ABCC2: variants seen among roughly 807,000 people sequenced by gnomAD.
ABCC2 encodes the protein ATP binding cassette subfamily C member 2, also known as ATP-binding cassette sub-family C member 2.
In ABCC2, 157 loss-of-function variants were observed where a neutral mutation model predicts 173.4. That is an observed-to-expected ratio of 0.91 (90% CI 0.80 to 1.03). The LOEUF (loss-of-function observed/expected upper bound fraction) is 1.03, where lower values mean the gene tolerates loss of function less well. ABCC2 is among the 50% of genes least tolerant of loss of function. The pLI, the probability that ABCC2 is intolerant of heterozygous loss-of-function variation, is 0.00. For synonymous variants in ABCC2, 657 were observed against 693.5 expected, an observed-to-expected ratio of 0.95 and a Z score of 0.83; for missense variants, 1,822 against 1,852.3, an observed-to-expected ratio of 0.98 and a Z score of 0.30.
At position 99,810,130 on chromosome 10, in the gene ABCC2, C is replaced by T; in HGVS notation, c.1816-4C>T. On this transcript the variant is annotated splice_polypyrimidine_tract_variant and splice_region_variant and intron_variant, in intron 13 of 31. Coordinates refer to ENST00000647814, the MANE Select transcript of ABCC2 (RefSeq NM_000392.5). ...TTCTTGAGATCCTTTGTGTCCTTCTCTAGGCCAGTGTTTCCACAGAGCGGC... is the reference window on the plus strand; with the variant it reads ...TTCTTGAGATCCTTTGTGTCCTTCTTTAGGCCAGTGTTTCCACAGAGCGGC... 1 of 1,613,086 alleles carries T rather than the reference C, an allele frequency of 6.2e-7. No individual in the cohort carries two copies. The highest frequency in any genetic ancestry group is 8.5e-7 in the Non-Finnish European group (1 of 1,179,158).
intron 30 of ABCC2, among the ~76,000 whole-genome samples, chr10:99,847,446 A>T (rs577107913): frequency 6.6e-6 from 1 of 151,918 alleles, no homozygotes; most frequent in East Asian, 1.9e-4. Flanking sequence ...TACTAAAAAT[A>T]CAAAAAGTAG....
intron 19 of ABCC2, among the ~76,000 whole-genome samples, chr10:99,819,730 G>T (rs1034366744): frequency 1.1e-4 from 16 of 152,108 alleles, no homozygotes; most frequent in Non-Finnish European, 2.1e-4. Context: ...CCTAACAAAG[G>T]GATTTTGATT....
In ABCC2 at chr10:99,784,658, G is replaced by A. The variant is rs2037674292; in HGVS notation, c.84G>A (p.Glu28=). The A allele has an allele frequency of 6.2e-7, 1 of 1,614,086 alleles. No homozygotes were observed. The highest frequency in any genetic ancestry group is 8.5e-7 in the Non-Finnish European group (1 of 1,180,048). ...AGGCAGACCTGCCACTTTGTTTTGA[G>A]CAAACTGTTCTGGTGTGGATTCCCT... The part of the protein sequence containing the change: ...SPEADLPLCF[E]QTVLVWIPLG... Residue 28 remains glutamate (E), a synonymous_variant, in exon 2 of 32, where the codon GAG becomes GAA. Transcript: ENST00000647814.
At chr10:99,792,158 T>A (rs2037820612) in intron 2 of ABCC2, 76 bp from the exon 3 acceptor site, 1 of 1,591,496 alleles carries the variant, frequency 6.3e-7, no homozygotes, top group East Asian at 2.2e-5. Flanking sequence ...TTCCTATCCA[T>A]CACCGGAAAC....
Position 99,842,053 on chromosome 10 carries a change from G to A in ABCC2, c.3701G>A (p.Ser1234Asn). 3 of 1,614,214 alleles carry A rather than the reference G, an allele frequency of 1.9e-6. No homozygotes were observed. The highest frequency in any genetic ancestry group is 1.3e-5 in the African/African-American group (1 of 75,050). The change falls in exon 26 of 32, where the codon AGT (serine) becomes AAT (asparagine). Residue 1234 changes from serine to asparagine, a missense_variant. Transcript: ENST00000647814. ...LMMVIYRDTL[S>N]GDTVGFVLSN... ...ATGGTTATTTATAGAGATACCCTAA[G>A]TGGGGACACTGTTGGCTTTGTTCTG...
chr10:99,846,202 T>C (rs936465094), intron 29 of ABCC2, among the ~76,000 whole-genome samples: 1 of 152,362 alleles, frequency 6.6e-6, no homozygotes, highest in African/African-American at 2.4e-5. Context: ...AGCGGAACGC[T>C]TCGTGCATCA....
rs758246739 is a variant in ABCC2 at position 99,817,493 on chromosome 10, G to A, written c.2271+9G>A. Reference sequence around the variant, plus strand: ...CTGAGATTGGAGAGAAGGTACTTGGGATAACAAGGGATCTTCAAGGGTGAA... The same window carrying A: ...CTGAGATTGGAGAGAAGGTACTTGGAATAACAAGGGATCTTCAAGGGTGAA... On this transcript the variant is annotated intron_variant, in intron 17 of 31. Transcript: ENST00000647814. The A allele has an allele frequency of 8.1e-6, 13 of 1,613,920 alleles. No homozygotes were observed. The East Asian group carries it at 2.5e-4, about 30-fold the overall frequency.
intron 8 of ABCC2, 103 bp downstream of exon 8, chr10:99,799,473 T>A (rs559521134): frequency 8.5e-5 from 116 of 1,370,350 alleles, no homozygotes; most frequent in South Asian, 8.1e-4. Flanking sequence ...TCCCATTTTT[T>A]AAAAATGCTC....
At chr10:99,830,530 C>T in intron 20 of ABCC2, 97 bp downstream of exon 20, 1 of 1,577,110 alleles carries the variant, frequency 6.3e-7, no homozygotes, top group Non-Finnish European at 8.7e-7. Flanking sequence ...GGGTTAACAC[C>T]ATGGACACTC....
intron 2 of ABCC2, among the ~76,000 whole-genome samples, chr10:99,789,785 T>G (rs1216365022): frequency 6.6e-6 from 1 of 150,932 alleles, no homozygotes; most frequent in Non-Finnish European, 1.5e-5. Context: ...AGAGCTGGAC[T>G]GTAAAAATGG....
At chr10:99,815,121 G>T (rs1023797177) in intron 16 of ABCC2, among the ~76,000 whole-genome samples, 3 of 151,848 alleles carry the variant, frequency 2.0e-5, no homozygotes, top group Non-Finnish European at 4.4e-5. Context: ...AACAGGCCCT[G>T]GTGTGTGTTG....
Position 99,842,083 on chromosome 10 carries a change from A to T in ABCC2, c.3731A>T (p.Asn1244Ile), listed in dbSNP as rs566053264. 6.2e-7 allele frequency: 1 copy of T among 1,614,168 alleles called. No homozygotes were observed. The highest frequency in any genetic ancestry group is 8.5e-7 in the Non-Finnish European group (1 of 1,180,032). ...SGDTVGFVLS[N>I]ALNITQTLNW... ...GACACTGTTGGCTTTGTTCTGTCCAATGCACTCAATGTGAGTTTGAAGGTT... is the reference window on the plus strand; with the variant it reads ...GACACTGTTGGCTTTGTTCTGTCCATTGCACTCAATGTGAGTTTGAAGGTT... Residue 1244 changes from asparagine (N) to isoleucine (I), a missense_variant, in exon 26 of 32, where the codon AAT becomes ATT. By Grantham distance (149) the Asn-to-Ile change is moderately radical. Coordinates refer to ENST00000647814, the MANE Select transcript of ABCC2 (RefSeq NM_000392.5).
chr10:99,814,444 TA>T lies in ABCC2; in HGVS notation c.2094+1301del, dbSNP rs1163487656. 2.2e-3 allele frequency among the ~76,000 whole-genome samples: 210 copies of T among 96,306 alleles called. 8 individuals carry two copies. The highest frequency in any genetic ancestry group is 9.9e-3 in the African/African-American group (199 of 20,068). 63.2% of individuals were successfully genotyped at this position (96,306 alleles called of 152,430 possible). On this transcript the variant is annotated intron_variant, in intron 16 of 31. Transcript: ENST00000647814. ...GTGTGCATATATGTGTATACACACA[TA>T]TGTGTGTATATACATACACACATAT...
intron 25 of ABCC2, among the ~76,000 whole-genome samples, chr10:99,839,132 C>A (rs1590188399): frequency 9.7e-6 from 1 of 103,028 alleles, no homozygotes; most frequent in African/African-American, 3.5e-5. Flanking sequence ...GCTGGCCGGG[C>A]GGGGGGCCGA....
Position 99,793,540 on chromosome 10 carries a change from T to A in ABCC2, c.334-11T>A, listed in dbSNP as rs1410601072. On this transcript the variant is annotated splice_polypyrimidine_tract_variant and intron_variant, in intron 3 of 31. Transcript: ENST00000647814. ...AGTATTCTTCAGAACATCATGTGAA[T>A]TTCTCTCCAGCTCCTGGTTTTGCTG... The A allele has an allele frequency of 1.2e-6, 2 of 1,614,060 alleles. No homozygotes were observed. The highest frequency in any genetic ancestry group is 1.7e-5 in the Admixed American group (1 of 60,012).
intron 4 of ABCC2, 92 bp from the exon 5 acceptor site, chr10:99,793,800 T>C: frequency 6.4e-7 from 1 of 1,569,260 alleles, no homozygotes; most frequent in Non-Finnish European, 8.8e-7. Context: ...GATTTGATCA[T>C]AGGCTTTAAT....
chr10:99,814,127 A>G (rs1469580494), intron 16 of ABCC2, among the ~76,000 whole-genome samples: 3 of 123,398 alleles, frequency 2.4e-5, no homozygotes, highest in Non-Finnish European at 3.5e-5. Context: ...ATACACACAT[A>G]TGTGTGTATA....
At chr10:99,814,262 C>CATGT (rs1291685955) in intron 16 of ABCC2, among the ~76,000 whole-genome samples, 373 of 26,316 alleles carry the variant, frequency 0.014, 45 homozygotes, top group African/African-American at 0.049. Context: ...TGTATACACA[C>CATGT]GTATGTATAC....
At chr10:99,845,446 A>G (rs981817609) in intron 28 of ABCC2, among the ~76,000 whole-genome samples, 178 bp from the exon 29 acceptor site, 2 of 152,174 alleles carry the variant, frequency 1.3e-5, no homozygotes, top group Non-Finnish European at 2.9e-5. Context: ...GATTTTTGGC[A>G]TCTTTTTCTG....
Sources: gnomAD v4.1 joint callset for allele counts (sites outside exome capture counted in the v4.1 genomes callset) on GRCh38, gnomAD v4.1.1 for gene constraint, MANE v1.5 for transcripts, NCBI Gene and HGNC (gene_info 2026-07-23, HGNC 2026-07-21) for gene names.